The following TNFAIP8 variants were observed in gnomAD, a reference collection of about 807,000 sequenced individuals.
TNFAIP8 encodes the protein tumor necrosis factor alpha-induced protein 8.
TNFAIP8 carries 7 observed loss-of-function variants against 13.3 expected under a neutral mutation model. The ratio of observed to expected loss-of-function variants is 0.52; its 90% CI spans 0.30 to 0.99. The LOEUF (loss-of-function observed/expected upper bound fraction) is 0.99. Ranked by LOEUF, TNFAIP8 falls within the 50% of genes least tolerant of loss-of-function variation. The pLI, the probability that TNFAIP8 is intolerant of heterozygous loss-of-function variation, is 0.07. For missense variants in TNFAIP8, 258 were observed against 236.9 expected, an observed-to-expected ratio of 1.09 and a Z score of -0.58; for synonymous variants, 94 against 87.6, an observed-to-expected ratio of 1.07 and a Z score of -0.41.
At chr5:119,298,000 C>A (rs1749233172) in intron 1 of TNFAIP8, among the ~76,000 whole-genome samples, 2 of 152,166 alleles carry the variant, frequency 1.3e-5, no homozygotes, top group African/African-American at 4.8e-5. Flanking sequence ...CTATGTGTGT[C>A]TCTGCACATG....
intron 1 of TNFAIP8, among the ~76,000 whole-genome samples, chr5:119,340,132 G>A (rs1243061765): frequency 6.6e-6 from 1 of 152,166 alleles, no homozygotes; most frequent in African/African-American, 2.4e-5. Context: ...GAGCAGAAGA[G>A]GTAGCCATTT....
At chr5:119,299,648 CA>C (rs1295581837) in intron 1 of TNFAIP8, among the ~76,000 whole-genome samples, 3 of 152,200 alleles carry the variant, frequency 2.0e-5, no homozygotes, top group Admixed American at 6.5e-5. Context: ...AGCTGTCAGA[CA>C]GGGACTTTTA....
intron 1 of TNFAIP8, among the ~76,000 whole-genome samples, chr5:119,386,754 A>C (rs1580449114): frequency 1.3e-5 from 2 of 152,298 alleles, no homozygotes; most frequent in South Asian, 4.1e-4. Flanking sequence ...TAAGGACTTC[A>C]GATGTATTGA....
intron 1 of TNFAIP8, among the ~76,000 whole-genome samples, chr5:119,377,161 GGAGGCCAAGACAGGAGGATTGCTT>G (rs1254548604): frequency 3.9e-5 from 6 of 152,156 alleles, no homozygotes; most frequent in African/African-American, 1.4e-4. Flanking sequence ...CAGCACTTTG[GGAGGCCAAGACAGGAGGATTGCTT>G]GAGGCCAAGA....
At chr5:119,303,686 C>T (rs1749462329) in intron 1 of TNFAIP8, among the ~76,000 whole-genome samples, 1 of 152,100 alleles carries the variant, frequency 6.6e-6, no homozygotes, top group East Asian at 1.9e-4. Flanking sequence ...ATGCAGTAAC[C>T]ATGAGCAGCA....
chr5:119,375,745 A>G (rs754601641), intron 1 of TNFAIP8, among the ~76,000 whole-genome samples: 18 of 152,162 alleles, frequency 1.2e-4, no homozygotes, highest in Non-Finnish European at 2.4e-4. Context: ...TATAATTTTA[A>G]GTTTGCCGAT....
intron 1 of TNFAIP8, among the ~76,000 whole-genome samples, chr5:119,387,391 G>A (rs986347026): frequency 2.6e-5 from 4 of 152,212 alleles, no homozygotes; most frequent in African/African-American, 4.8e-5. Context: ...AACCTGGATC[G>A]AGTTTTAACT....
At chr5:119,368,084 T>C (rs1387169728) in intron 1 of TNFAIP8, among the ~76,000 whole-genome samples, 1 of 152,230 alleles carries the variant, frequency 6.6e-6, no homozygotes, top group Non-Finnish European at 1.5e-5. Context: ...GCAGCTTAAA[T>C]TAAAAGTAGC....
In TNFAIP8 at chr5:119,393,031, G is replaced by A. The variant is rs1376959452; in HGVS notation, c.247G>A (p.Ala83Thr). 1 of 1,613,398 alleles carries A rather than the reference G, an allele frequency of 6.2e-7. No homozygotes were observed. Among genetic ancestry groups the A allele is most frequent in the East Asian group, 2.2e-5 (1 of 44,810 alleles). Residue 83 changes from alanine to threonine, a missense_variant, in exon 2 of 2, where the codon GCC (alanine) becomes ACC (threonine). Ala to Thr is a moderately conservative substitution (Grantham distance 58, BLOSUM62 0). Transcript: ENST00000504771. ...KNLIKTVIKL[A>T]ILYRNNQFNQ... is the part of the protein sequence containing the mutation. ...CCTCATCAAGACAGTCATCAAGCTGGCCATTCTTTATAGGAATAATCAGTT... is the reference window on the plus strand; with the variant it reads ...CCTCATCAAGACAGTCATCAAGCTGACCATTCTTTATAGGAATAATCAGTT...
At chr5:119,343,250 T>G (rs1172558965) in intron 1 of TNFAIP8, among the ~76,000 whole-genome samples, 1 of 152,218 alleles carries the variant, frequency 6.6e-6, no homozygotes, top group Non-Finnish European at 1.5e-5. Flanking sequence ...GCACTCTGTT[T>G]ATAAGGATGT....
intron 1 of TNFAIP8, 132 bp downstream of exon 1, chr5:119,356,253 C>A: frequency 2.6e-6 from 2 of 773,278 alleles, no homozygotes; most frequent in Non-Finnish European, 3.9e-6. Context: ...GCCTTCGAAG[C>A]CAAGTCGGAG....
intron 1 of TNFAIP8, among the ~76,000 whole-genome samples, chr5:119,286,021 GAAA>G (rs1206032885): frequency 6.6e-6 from 1 of 152,118 alleles, no homozygotes; most frequent in African/African-American, 2.4e-5. Context: ...TGAGTTGAAA[GAAA>G]AAGTTTAACT....
chr5:119,374,614 G>A (rs966771245), intron 1 of TNFAIP8, among the ~76,000 whole-genome samples: 2 of 152,206 alleles, frequency 1.3e-5, no homozygotes, highest in African/African-American at 4.8e-5. Context: ...GAGGGCTGTA[G>A]CTCTTTGCAT....
Position 119,268,908 on chromosome 5 carries a change from G to GT in TNFAIP8, c.1+2dup, listed in dbSNP as rs1241798855. On this transcript the variant is annotated splice_donor_variant, in intron 1 of 1. Transcript: ENST00000274456. LOFTEE classifies it high-confidence loss of function. ...CGGCGCCGTCGCGCCACTCCTCCGA[G>GT]TAAGTGGCTCCTGGGCGCGCCCGTC... The GT allele has an allele frequency of 2.9e-6, 2 of 700,778 alleles. No homozygotes were observed. The highest frequency in any genetic ancestry group is 2.6e-6 in the Non-Finnish European group (1 of 382,384). The allele number at this position is 700,778 out of a possible 1,614,324, so 43.4% of individuals were successfully genotyped here.
chr5:119,301,938 A>G (rs1426400483), intron 1 of TNFAIP8, among the ~76,000 whole-genome samples: 1 of 152,236 alleles, frequency 6.6e-6, no homozygotes. Flanking sequence ...TCTAGGAACT[A>G]GAGAGGTGTG....
chr5:119,388,157 TAAATA>T (rs1321470360), intron 1 of TNFAIP8, among the ~76,000 whole-genome samples: 1 of 152,236 alleles, frequency 6.6e-6, no homozygotes, highest in African/African-American at 2.4e-5. Context: ...GCTTTTACTC[TAAATA>T]TTTGCATTAT....
intron 1 of TNFAIP8, among the ~76,000 whole-genome samples, chr5:119,369,501 C>T (rs1308962536): frequency 3.3e-5 from 5 of 152,138 alleles, no homozygotes; most frequent in African/African-American, 1.2e-4. Flanking sequence ...ACAGAAAATG[C>T]CTGATAACCA....
At chr5:119,368,554 A>G (rs189736614) in intron 1 of TNFAIP8, among the ~76,000 whole-genome samples, 2 of 152,148 alleles carry the variant, frequency 1.3e-5, no homozygotes, top group Admixed American at 6.5e-5. Context: ...GAGAGTGTCT[A>G]CAACAACAAA....
At position 119,393,053 on chromosome 5, in the gene TNFAIP8, A is replaced by G. The variant is rs999789131; in HGVS notation, c.269A>G (p.Gln90Arg). The G allele has an allele frequency of 2.0e-5, 33 of 1,613,664 alleles. No homozygotes were observed. The highest frequency in any genetic ancestry group is 2.7e-5 in the African/African-American group (2 of 74,918). The change falls in exon 2 of 2, where the codon CAG becomes CGG. Residue 90 changes from glutamine (Q) to arginine (R), a missense_variant. By Grantham distance (43) the Gln-to-Arg change is conservative. Transcript: ENST00000504771. Reference sequence around the variant, plus strand: ...CTGGCCATTCTTTATAGGAATAATCAGTTTAATCAAGATGAGCTAGCATTG... The same window carrying G: ...CTGGCCATTCTTTATAGGAATAATCGGTTTAATCAAGATGAGCTAGCATTG... ...IKLAILYRNN[Q>R]FNQDELALME...
Sources: allele counts gnomAD v4.1 joint callset (sites outside exome capture counted in the v4.1 genomes callset), GRCh38; gene constraint gnomAD v4.1.1; transcripts MANE v1.5; gene names NCBI Gene and HGNC (gene_info 2026-07-23, HGNC 2026-07-21).